Variants in MCF2L2 observed in about 807,000 individuals in gnomAD.
The protein encoded by MCF2L2 is probable guanine nucleotide exchange factor MCF2L2.
Under a neutral mutation model 150.2 loss-of-function variants are expected in MCF2L2, and 102 were observed. The ratio of observed to expected loss-of-function variants is 0.68; its 90% confidence interval spans 0.58 to 0.80. The LOEUF (loss-of-function observed/expected upper bound fraction) is 0.80, where lower values mean the gene tolerates loss of function less well. Among genes scored for constraint, MCF2L2 ranks in the 30% least tolerant of loss-of-function variants. The probability of loss-of-function intolerance (pLI) is 0.00; values close to 1 mark genes in which losing one functional copy is unlikely to be tolerated. For missense variants in MCF2L2, 1,256 were observed against 1,372.8 expected (o/e 0.91, Z 1.34); for synonymous variants, 465 against 491.3 (o/e 0.95, Z 0.71).
intron 26 of MCF2L2, among the ~76,000 whole-genome samples, chr3:183,195,020 C>T (rs1372557782): frequency 2.6e-5 from 4 of 151,994 alleles, no homozygotes; most frequent in African/African-American, 9.7e-5. Flanking sequence ...TGGGCTCAAG[C>T]GATCCATCTG....
intron 10 of MCF2L2, among the ~76,000 whole-genome samples, chr3:183,302,110 C>G (rs1040602015): frequency 6.6e-6 from 1 of 152,188 alleles, no homozygotes; most frequent in Non-Finnish European, 1.5e-5. Context: ...ACATTTCACA[C>G]ATGTTGTCAC....
chr3:183,388,864 CT>C (rs60466422), intron 2 of MCF2L2, among the ~76,000 whole-genome samples: 8 of 151,422 alleles, frequency 5.3e-5, no homozygotes, highest in South Asian at 2.1e-4. Context: ...AGAGATGTGA[CT>C]TTTTTTTTAA....
At chr3:183,351,234 A>ATATATTTATT (rs1553786140) in intron 3 of MCF2L2, among the ~76,000 whole-genome samples, 15 of 60,424 alleles carry the variant, frequency 2.5e-4, no homozygotes, top group Non-Finnish European at 3.8e-4. Context: ...ATATATATAT[A>ATATATTTATT]TATTTATTTA....
At position 183,219,340 on chromosome 3, in the gene MCF2L2, G is replaced by T. The variant is rs1723058376; in HGVS notation, c.2370+516C>A. Among the ~76,000 whole-genome samples the T allele has an allele frequency of 2.0e-5, 3 of 152,174 alleles. No individual in the cohort carries two copies. The South Asian group carries it at 6.2e-4, about 32-fold the overall frequency. ...ATTAAAATTTTTTTGGCTGGGTGCA[G>T]TGGCTCACGCCTGTAATACCAGCAC... is the stretch of plus-strand genomic sequence containing the variant. On this transcript the variant is annotated intron_variant, in intron 21 of 29. Transcript: ENST00000328913.
At position 183,389,732 on chromosome 3, in the gene MCF2L2, T is replaced by A. The variant is rs757882900; in HGVS notation, c.124A>T (p.Ile42Leu). 2.0e-5 allele frequency: 32 copies of A among 1,614,088 alleles called. No individual in the cohort carries two copies. The African/African-American group carries it at 2.4e-4, about 12-fold the overall frequency. ...GCAAATTGTCTGTGAAGTTGTTCTA[T>A]TATCTCCACCGCCATCAGGGGTCTG... ...EVRPLMAVEIIEQLHRQFAIL... is the reference protein window; with the variant it reads ...EVRPLMAVEILEQLHRQFAIL... The change falls in exon 2 of 30, where the codon ATA becomes TTA. Residue 42 changes from isoleucine to leucine, a missense_variant. By Grantham distance (5) the Ile-to-Leu change is conservative. Transcript: ENST00000328913.
At chr3:183,269,620 C>T (rs367721231) in intron 15 of MCF2L2, 8 of 582,000 alleles carry the variant, frequency 1.4e-5, no homozygotes, top group Admixed American at 1.1e-4. Context: ...TCCATTCTTC[C>T]GCAATCTCAG....
At chr3:183,377,964 A>G (rs920045008) in intron 3 of MCF2L2, 4 of 152,246 alleles carry the variant, frequency 2.6e-5, no homozygotes, top group South Asian at 2.1e-4. Context: ...ACTAACTTTG[A>G]AGAAATGCAT....
chr3:183,190,646 G>C (rs1240255836), intron 27 of MCF2L2, among the ~76,000 whole-genome samples: 1 of 152,168 alleles, frequency 6.6e-6, no homozygotes, highest in Non-Finnish European at 1.5e-5. Context: ...GTAAGCCATT[G>C]GTGGGCCATA....
intron 15 of MCF2L2, chr3:183,269,432 A>G: frequency 5.3e-6 from 1 of 187,242 alleles, no homozygotes; most frequent in Non-Finnish European, 1.1e-5. Context: ...AATTAGGAAT[A>G]TGTTTCTTTC....
chr3:183,401,149 G>GA (rs5854982), intron 1 of MCF2L2, among the ~76,000 whole-genome samples: 54,419 of 152,022 alleles, frequency 0.36, 9,889 homozygotes, highest in Middle Eastern at 0.41. Flanking sequence ...ACCACTTGGG[G>GA]AAAGTGAGTT....
At chr3:183,287,972 A>C (rs1727890325) in intron 14 of MCF2L2, 1 of 152,254 alleles carries the variant, frequency 6.6e-6, no homozygotes, top group East Asian at 1.9e-4. Flanking sequence ...CTGGTTTCAG[A>C]ACCATTCAGC....
chr3:183,264,707 C>T (rs1381564923), intron 15 of MCF2L2, among the ~76,000 whole-genome samples: 1 of 152,162 alleles, frequency 6.6e-6, no homozygotes, highest in Non-Finnish European at 1.5e-5. Flanking sequence ...GTAGACTCAA[C>T]AAAGAAATGA....
intron 15 of MCF2L2, among the ~76,000 whole-genome samples, chr3:183,247,248 G>T (rs1249437895): frequency 4.6e-5 from 7 of 152,192 alleles, no homozygotes; most frequent in Non-Finnish European, 7.3e-5. Context: ...TCAGTCCATT[G>T]AAACAGTGCC....
intron 15 of MCF2L2, among the ~76,000 whole-genome samples, chr3:183,274,795 A>G (rs1295575902): frequency 1.3e-5 from 2 of 152,130 alleles, no homozygotes; most frequent in African/African-American, 4.8e-5. Context: ...TTTCCTTCCG[A>G]TCACTTCCGC....
chr3:183,340,035 G>T (rs1384251364), intron 4 of MCF2L2, among the ~76,000 whole-genome samples: 1 of 152,140 alleles, frequency 6.6e-6, no homozygotes, highest in Non-Finnish European at 1.5e-5. Flanking sequence ...ATAGTCATGG[G>T]CATCAATCAT....
chr3:183,307,005 G>C (rs1729130297), intron 10 of MCF2L2, among the ~76,000 whole-genome samples: 1 of 152,210 alleles, frequency 6.6e-6, no homozygotes, highest in African/African-American at 2.4e-5. Context: ...CTGTTTTTCA[G>C]AATCAGGAAG....
Position 183,300,176 on chromosome 3 carries a change from C to A in MCF2L2, c.1134G>T (p.Gln378His). ...EKSQEPLEKA[Q>H]LLALVGDQLI... ...GCTGGTCCCCAACCAGTGCCAGCAG[C>A]TGGGCCTTTTCCAGGGGCTCCTGCA... The change falls in exon 11 of 30, where the codon CAG becomes CAT. Residue 378 changes from glutamine (Q) to histidine (H), a missense_variant. Physicochemically the swap from Gln to His is conservative, Grantham distance 24. Transcript: ENST00000328913. The A allele has an allele frequency of 1.2e-6, 2 of 1,604,154 alleles. No homozygotes were observed. The highest frequency in any genetic ancestry group is 1.7e-6 in the Non-Finnish European group (2 of 1,177,520).
chr3:183,347,975 T>C (rs987824546), intron 3 of MCF2L2, among the ~76,000 whole-genome samples: 1 of 152,144 alleles, frequency 6.6e-6, no homozygotes, highest in African/African-American at 2.4e-5. Context: ...TGTTCAACCA[T>C]TGTGGAAGAC....
intron 2 of MCF2L2, among the ~76,000 whole-genome samples, chr3:183,383,232 T>TAATTA (rs1713637527): frequency 1.4e-5 from 2 of 138,530 alleles, no homozygotes; most frequent in African/African-American, 5.9e-5. Context: ...TTATTTTATT[T>TAATTA]ATTTATTTAT....
Sources: allele counts gnomAD v4.1 joint callset (sites outside exome capture counted in the v4.1 genomes callset), GRCh38; gene constraint gnomAD v4.1.1; transcripts MANE v1.5; gene names NCBI Gene and HGNC (gene_info 2026-07-23, HGNC 2026-07-21).